Variants in ITPRIP observed in about 807,000 individuals in gnomAD.
ITPRIP encodes the protein inositol 1,4,5-trisphosphate receptor interacting protein, also known as inositol 1,4,5-trisphosphate receptor-interacting protein.
In ITPRIP, 32 loss-of-function variants were observed where a neutral mutation model predicts 35.8. That is an observed-to-expected ratio of 0.89 (90% CI 0.68 to 1.20). The LOEUF (loss-of-function observed/expected upper bound fraction) is 1.20, where lower values mean the gene tolerates loss of function less well. Among genes scored for constraint, ITPRIP ranks in the 50% most tolerant of loss-of-function variants. The probability of loss-of-function intolerance (pLI) is 0.00; values close to 1 mark genes in which losing one functional copy is unlikely to be tolerated. For missense variants in ITPRIP, 653 were observed against 735.6 expected (o/e 0.89, Z 1.30); for synonymous variants, 358 against 324.0 (o/e 1.11, Z -1.13).
At chr10:104,317,269 G>A (rs1460543160) in intron 1 of ITPRIP, among the ~76,000 whole-genome samples, 1 of 152,204 alleles carries the variant, frequency 6.6e-6, no homozygotes, top group Non-Finnish European at 1.5e-5. Flanking sequence ...GAGGCACTCT[G>A]TTCCCCTAGG....
intron 1 of ITPRIP, among the ~76,000 whole-genome samples, chr10:104,324,797 G>A (rs2013948604): frequency 6.6e-6 from 1 of 152,208 alleles, no homozygotes; most frequent in Non-Finnish European, 1.5e-5. Flanking sequence ...GAGTCCCCAC[G>A]CCACACATTC....
chr10:104,334,516 T>C (rs1263842181), intron 1 of ITPRIP, among the ~76,000 whole-genome samples: 1 of 152,236 alleles, frequency 6.6e-6, no homozygotes, highest in Non-Finnish European at 1.5e-5. Context: ...TCTATGTCTC[T>C]GGGAGCTAAT....
chr10:104,324,275 G>C (rs1210270379), intron 1 of ITPRIP, among the ~76,000 whole-genome samples: 1 of 152,214 alleles, frequency 6.6e-6, no homozygotes, highest in Non-Finnish European at 1.5e-5. Context: ...GCTCCCACCA[G>C]GGCATCTCTG....
chr10:104,313,786 C>G lies in ITPRIP; in HGVS notation c.*622G>C. On this transcript the variant is annotated 3_prime_UTR_variant, in exon 2 of 2. Transcript: ENST00000337478. ...CTCTATGCCACCAAGTACCCATTTC[C>G]GTGTGACAGAGACGTTAGTCATTTG... 2.0e-6 allele frequency: 2 copies of G among 985,534 alleles called. No homozygotes were observed. The highest frequency in any genetic ancestry group is 2.4e-6 in the Non-Finnish European group (2 of 830,056). The allele number at this position is 985,534 out of a possible 1,614,324, so 61.0% of individuals were successfully genotyped here. A position where few individuals can be genotyped will look rare whatever the true frequency, so the allele number is the denominator to read the frequency against.
intron 1 of ITPRIP, among the ~76,000 whole-genome samples, chr10:104,337,355 T>A (rs896336815): frequency 6.6e-6 from 1 of 152,142 alleles, no homozygotes; most frequent in Non-Finnish European, 1.5e-5. Context: ...CTCTACTGTT[T>A]GTGAAATGAG....
chr10:104,315,251 C>A lies in ITPRIP; in HGVS notation c.801G>T (p.Leu267=), dbSNP rs762207257. 6.2e-7 allele frequency: 1 copy of A among 1,611,050 alleles called. No individual in the cohort carries two copies. The highest frequency in any genetic ancestry group is 8.5e-7 in the Non-Finnish European group (1 of 1,178,092). The change falls in exon 2 of 2, where the codon CTG becomes CTT. Residue 267 remains leucine, a synonymous_variant. Coordinates refer to ENST00000337478, the MANE Select transcript of ITPRIP (RefSeq NM_001272013.2). This position sits in a 1 kb window ranked among gnomAD's most constrained non-coding sequence, Gnocchi z 5.7. ...TGCTGTTCCTGCCGTGCAGGAGACACAGCATGTCTTCCCCGAGCTTGGTCT... is the reference window on the plus strand; with the variant it reads ...TGCTGTTCCTGCCGTGCAGGAGACAAAGCATGTCTTCCCCGAGCTTGGTCT... ...CGKTKLGEDM[L]CLLHGRNSMA...
Position 104,332,137 on chromosome 10 carries a change from C to T in ITPRIP, c.-14+6109G>A, listed in dbSNP as rs192477803. The stretch of plus-strand genomic sequence containing the variant: ...TTTCACCTGTAAAACTAGGATAACA[C>T]CCACCTTGAAGGGCCATTGTGAGGA... On this transcript the variant is annotated intron_variant, in intron 1 of 1. Transcript: ENST00000337478. Among the ~76,000 whole-genome samples, 487 of 152,196 alleles carry T rather than the reference C, an allele frequency of 3.2e-3. 1 individual carries two copies. Among genetic ancestry groups the T allele is most frequent in the Non-Finnish European group, 5.8e-3 (392 of 68,012 alleles).
chr10:104,312,567 T>A lies in ITPRIP; in HGVS notation c.*1841A>T. 3.1e-6 allele frequency: 3 copies of A among 966,406 alleles called. No homozygotes were observed. The highest frequency in any genetic ancestry group is 3.7e-6 in the Non-Finnish European group (3 of 812,416). 59.9% of individuals were successfully genotyped at this position (966,406 alleles called of 1,614,324 possible). A position where few individuals can be genotyped will look rare whatever the true frequency, so the allele number is the denominator to read the frequency against. ...TTAGGGACACACTTGAGCTGGTTCATTCCCTGGAGTGCCCCGCAACTGCGT... is the reference window on the plus strand; with the variant it reads ...TTAGGGACACACTTGAGCTGGTTCAATCCCTGGAGTGCCCCGCAACTGCGT... On this transcript the variant is annotated 3_prime_UTR_variant, in exon 2 of 2. Coordinates refer to ENST00000337478, the MANE Select transcript of ITPRIP (RefSeq NM_001272013.2).
In ITPRIP at chr10:104,338,228, G is replaced by A. The variant is rs1320435549; in HGVS notation, c.-14+18C>T. ...GCGCCCTTCTTCCTTCAGCACACTAGGCTGCCCTGGGACTTACGATTGGCT... is the reference window on the plus strand; with the variant it reads ...GCGCCCTTCTTCCTTCAGCACACTAAGCTGCCCTGGGACTTACGATTGGCT... On this transcript the variant is annotated intron_variant, in intron 1 of 1. Transcript: ENST00000337478. 6.5e-6 allele frequency: 1 copy of A among 153,314 alleles called. No individual in the cohort carries two copies. Among genetic ancestry groups the A allele is most frequent in the Non-Finnish European group, 1.5e-5 (1 of 68,420 alleles). 9.5% of individuals were successfully genotyped at this position (153,314 alleles called of 1,614,324 possible).
Position 104,312,949 on chromosome 10 carries a change from T to C in ITPRIP, c.*1459A>G. ...GAGATAGGAAATCTCAAAGGGCCAG[T>C]GAAGCCACAGGTGGAAAAGAGCCTT... On this transcript the variant is annotated 3_prime_UTR_variant, in exon 2 of 2. Transcript: ENST00000337478. 5.1e-6 allele frequency: 5 copies of C among 985,376 alleles called. No individual in the cohort carries two copies. The highest frequency in any genetic ancestry group is 6.0e-6 in the Non-Finnish European group (5 of 829,904). The allele number at this position is 985,376 out of a possible 1,614,324, so 61.0% of individuals were successfully genotyped here. A position where few individuals can be genotyped will look rare whatever the true frequency, so the allele number is the denominator to read the frequency against.
intron 1 of ITPRIP, among the ~76,000 whole-genome samples, chr10:104,324,516 G>A (rs1260897580): frequency 2.0e-5 from 3 of 152,166 alleles, no homozygotes; most frequent in Admixed American, 6.5e-5. Flanking sequence ...TCTTCTCGGC[G>A]TCCTTGCAGC....
chr10:104,312,538 G>T lies in ITPRIP; in HGVS notation c.*1870C>A. ...GAGGGATTGGGGGTAGCTCCAGGCT[G>T]CTGTTAGGGACACACTTGAGCTGGT... On this transcript the variant is annotated 3_prime_UTR_variant, in exon 2 of 2. Coordinates refer to ENST00000337478, the MANE Select transcript of ITPRIP (RefSeq NM_001272013.2). 1.3e-6 allele frequency: 1 copy of T among 770,350 alleles called. No homozygotes were observed. The highest frequency in any genetic ancestry group is 1.6e-6 in the Non-Finnish European group (1 of 633,246). 47.7% of individuals were successfully genotyped at this position (770,350 alleles called of 1,614,324 possible).
chr10:104,319,196 T>A (rs949928804), intron 1 of ITPRIP, among the ~76,000 whole-genome samples: 1 of 152,234 alleles, frequency 6.6e-6, no homozygotes, highest in African/African-American at 2.4e-5. Flanking sequence ...GCTTTCCCTG[T>A]GAGGAGGAAT....
chr10:104,335,198 C>T (rs913694963), intron 1 of ITPRIP, among the ~76,000 whole-genome samples: 1 of 152,180 alleles, frequency 6.6e-6, no homozygotes, highest in Non-Finnish European at 1.5e-5. Flanking sequence ...TAGTGAAATG[C>T]TCGGTTCCAG....
At chr10:104,338,069 G>T (rs1203944444) in intron 1 of ITPRIP, among the ~76,000 whole-genome samples, 177 bp downstream of exon 1, 1 of 152,176 alleles carries the variant, frequency 6.6e-6, no homozygotes, top group South Asian at 2.1e-4. Flanking sequence ...GGGCACGCGC[G>T]CTTTAAGGGA....
chr10:104,334,964 T>C (rs557675552), intron 1 of ITPRIP, among the ~76,000 whole-genome samples: 1 of 152,364 alleles, frequency 6.6e-6, no homozygotes, highest in East Asian at 1.9e-4. Context: ...GGGAGCTTTC[T>C]CAGGGTGAAT....
Position 104,328,024 on chromosome 10 carries a change from C to T in ITPRIP, c.-14+10222G>A, listed in dbSNP as rs943742431. ...GAGCAACTGGCATAGACCTGCGCTCCGTGCTAAGGACACACACTATCCTGG... is the reference window on the plus strand; with the variant it reads ...GAGCAACTGGCATAGACCTGCGCTCTGTGCTAAGGACACACACTATCCTGG... On this transcript the variant is annotated intron_variant, in intron 1 of 1. Transcript: ENST00000337478. This position sits in a 1 kb window ranked among gnomAD's most constrained non-coding sequence, Gnocchi z 4.1. 1.3e-5 allele frequency among the ~76,000 whole-genome samples: 2 copies of T among 152,196 alleles called. No homozygotes were observed. The highest frequency in any genetic ancestry group is 2.1e-4 in the South Asian group (1 of 4,836).
chr10:104,316,356 G>T (rs544241994), intron 1 of ITPRIP, among the ~76,000 whole-genome samples: 12 of 152,272 alleles, frequency 7.9e-5, no homozygotes, highest in Admixed American at 6.5e-4. Context: ...CCAGGGCGAG[G>T]ATATACCCAC....
chr10:104,332,800 C>T (rs2014173705), intron 1 of ITPRIP, among the ~76,000 whole-genome samples: 1 of 152,224 alleles, frequency 6.6e-6, no homozygotes, highest in East Asian at 1.9e-4. Context: ...TAGTTTAACC[C>T]ATCTAGAATT....
Sources: allele counts gnomAD v4.1 joint callset (sites outside exome capture counted in the v4.1 genomes callset), GRCh38; gene constraint gnomAD v4.1.1; non-coding constraint Gnocchi (gnomAD v3.1); transcripts MANE v1.5; gene names NCBI Gene and HGNC (gene_info 2026-07-23, HGNC 2026-07-21).